Variants in DIS3L2 observed in about 807,000 individuals in gnomAD.
DIS3L2 encodes DIS3-like exonuclease 2.
A neutral mutation model predicts 97.5 loss-of-function variants in DIS3L2; 34 were observed. That is an observed-to-expected ratio of 0.35 (90% confidence interval 0.27 to 0.46). DIS3L2 has a LOEUF of 0.46. DIS3L2 is among the 20% of genes least tolerant of loss of function. The pLI, the probability that DIS3L2 is intolerant of heterozygous loss-of-function variation, is 1.00. For missense variants in DIS3L2, 1,038 were observed against 1,146.0 expected, an observed-to-expected ratio of 0.91 and a Z score of 1.36; for synonymous variants, 435 against 445.2, an observed-to-expected ratio of 0.98 and a Z score of 0.29.
intron 1 of DIS3L2, among the ~76,000 whole-genome samples, chr2:231,984,671 G>A (rs1426775903): frequency 6.6e-6 from 1 of 152,124 alleles, no homozygotes; most frequent in Non-Finnish European, 1.5e-5. Context: ...GGGATTACAG[G>A]CGTGAGCCAC....
chr2:232,318,680 A>G (rs368509131), intron 14 of DIS3L2, among the ~76,000 whole-genome samples: 1 of 152,124 alleles, frequency 6.6e-6, no homozygotes, highest in African/African-American at 2.4e-5. Flanking sequence ...TCAGTGTGGG[A>G]CCCTGTAGGC....
chr2:232,100,787 A>G (rs936756184), intron 6 of DIS3L2, among the ~76,000 whole-genome samples: 5 of 143,762 alleles, frequency 3.5e-5, no homozygotes, highest in Non-Finnish European at 6.0e-5. Context: ...AATATTACAC[A>G]TATGCTTTGA....
chr2:231,963,443 T>C (rs905203546), intron 1 of DIS3L2, among the ~76,000 whole-genome samples: 1 of 152,218 alleles, frequency 6.6e-6, no homozygotes, highest in Non-Finnish European at 1.5e-5. Context: ...AAAATGGGCT[T>C]ATTTGTTTTT....
intron 1 of DIS3L2, among the ~76,000 whole-genome samples, chr2:231,988,000 C>T (rs575237438): frequency 3.3e-5 from 5 of 152,278 alleles, no homozygotes; most frequent in East Asian, 1.9e-4. Flanking sequence ...TGTGCCACCA[C>T]GCCCAGCTAG....
chr2:232,091,494 T>A (rs1262265650), intron 6 of DIS3L2, among the ~76,000 whole-genome samples: 3 of 152,238 alleles, frequency 2.0e-5, no homozygotes, highest in Non-Finnish European at 4.4e-5. Context: ...ACATTTTTTT[T>A]AAATGGCTGA....
chr2:232,221,870 T>C (rs1196199759), intron 10 of DIS3L2, among the ~76,000 whole-genome samples: 2 of 152,216 alleles, frequency 1.3e-5, no homozygotes, highest in African/African-American at 4.8e-5. Context: ...GTTTTGTCTC[T>C]GACATCTTCA....
rs117796537 is a variant in DIS3L2, at chr2:232,057,925, A to G, written c.366+27845A>G. Among the ~76,000 whole-genome samples, 234 of 152,340 alleles carry G rather than the reference A, an allele frequency of 1.5e-3. 3 individuals carry two copies. In the East Asian group the frequency reaches 0.03, roughly 19 times the overall value. On this transcript the variant is annotated intron_variant, in intron 5 of 20. Coordinates refer to ENST00000325385, the MANE Select transcript of DIS3L2 (RefSeq NM_152383.5). ...GCATTTATGATTTGTGTATTTTTCT[A>G]TATGTAATTAAAAATGAGTTATATT...
At chr2:232,237,503 A>G (rs961081611) in intron 10 of DIS3L2, among the ~76,000 whole-genome samples, 9 of 152,234 alleles carry the variant, frequency 5.9e-5, no homozygotes, top group Admixed American at 5.2e-4. Flanking sequence ...AACAGTGAAC[A>G]TTACACAAAA....
chr2:232,219,611 C>T (rs527673199), intron 10 of DIS3L2, among the ~76,000 whole-genome samples: 1 of 152,256 alleles, frequency 6.6e-6, no homozygotes, highest in African/African-American at 2.4e-5. Context: ...CCTATAAGAT[C>T]ACTGGGTTTA....
rs901962605 is a variant in DIS3L2, at chr2:232,022,707, T to A, written c.211-1570T>A. 2.0e-5 allele frequency among the ~76,000 whole-genome samples: 3 copies of A among 152,256 alleles called. No homozygotes were observed. The South Asian group carries it at 6.2e-4, about 32-fold the overall frequency. ...CCTCACGAGACTGTAAGCTCTGTGA[T>A]GGTAGAGACTGTCTGTTGTTAGTCT... On this transcript the variant is annotated intron_variant, in intron 3 of 20. Coordinates refer to ENST00000325385, the MANE Select transcript of DIS3L2 (RefSeq NM_152383.5).
intron 4 of DIS3L2, among the ~76,000 whole-genome samples, chr2:232,026,161 T>G (rs762396441): frequency 6.6e-6 from 1 of 152,124 alleles, no homozygotes; most frequent in South Asian, 2.1e-4. Context: ...GTGTGGGACC[T>G]AGGACAGAAG....
At chr2:231,991,114 C>T (rs948368026) in intron 1 of DIS3L2, among the ~76,000 whole-genome samples, 3 of 151,848 alleles carry the variant, frequency 2.0e-5, no homozygotes, top group African/African-American at 7.3e-5. Flanking sequence ...GCCATGTCGC[C>T]CAGGCTGGTC....
chr2:232,166,530 A>G (rs1006380589), intron 9 of DIS3L2, among the ~76,000 whole-genome samples: 1 of 152,176 alleles, frequency 6.6e-6, no homozygotes, highest in Non-Finnish European at 1.5e-5. Context: ...ATCCTGGCCA[A>G]CATGGTGAAA....
At chr2:232,200,599 C>G (rs542129554) in intron 9 of DIS3L2, among the ~76,000 whole-genome samples, 2 of 150,888 alleles carry the variant, frequency 1.3e-5, no homozygotes. Context: ...TTTAAAAAAT[C>G]AATGAATTTG....
intron 13 of DIS3L2, among the ~76,000 whole-genome samples, chr2:232,287,393 C>CG (rs1694469085): frequency 3.8e-5 from 2 of 53,178 alleles, no homozygotes; most frequent in East Asian, 1.9e-3. Context: ...CCCGCGCCCC[C>CG]CCCCCCCCCC....
At chr2:232,065,590 AC>A (rs1215194886) in intron 5 of DIS3L2, among the ~76,000 whole-genome samples, 2 of 140,680 alleles carry the variant, frequency 1.4e-5, no homozygotes, top group Non-Finnish European at 3.0e-5. Context: ...TTCCTTAATT[AC>A]TGTAGCTTTG....
chr2:232,232,567 G>A (rs1283040914), intron 10 of DIS3L2, among the ~76,000 whole-genome samples: 4 of 152,152 alleles, frequency 2.6e-5, no homozygotes, highest in Non-Finnish European at 2.9e-5. Flanking sequence ...TTTCTTTTTG[G>A]TTTAGGCAAG....
intron 10 of DIS3L2, among the ~76,000 whole-genome samples, chr2:232,231,380 T>C (rs1038912951): frequency 1.3e-5 from 2 of 152,178 alleles, no homozygotes; most frequent in African/African-American, 4.8e-5. Context: ...GTCTCAGTAA[T>C]TAAAGCTGGT....
At chr2:232,034,982 T>C (rs577647501) in intron 5 of DIS3L2, among the ~76,000 whole-genome samples, 2 of 152,234 alleles carry the variant, frequency 1.3e-5, no homozygotes, top group Non-Finnish European at 2.9e-5. Context: ...GACTATTAGG[T>C]CCTCTTGATC....
Sources: allele counts gnomAD v4.1 joint callset (sites outside exome capture counted in the v4.1 genomes callset), GRCh38; gene constraint gnomAD v4.1.1; transcripts MANE v1.5; gene names NCBI Gene and HGNC (gene_info 2026-07-23, HGNC 2026-07-21).